Variants in CAMSAP2 observed in about 807,000 individuals in gnomAD.
CAMSAP2 encodes the protein calmodulin regulated spectrin associated protein family member 2.
CAMSAP2 carries 26 observed loss-of-function variants against 146.1 expected under a neutral mutation model. That is an observed-to-expected ratio of 0.18 (90% CI 0.13 to 0.25). The LOEUF is 0.25. CAMSAP2 is among the 10% of genes least tolerant of loss of function. CAMSAP2 has a pLI of 1.00. For missense variants in CAMSAP2, 1,381 were observed against 1,759.3 expected (o/e 0.78, Z 3.85); for synonymous variants, 499 against 596.6 (o/e 0.84, Z 2.38).
At chr1:200,852,783 T>G in intron 12 of CAMSAP2, 106 bp downstream of exon 12, 1 of 1,186,092 alleles carries the variant, frequency 8.4e-7, no homozygotes, top group Non-Finnish European at 1.1e-6. Flanking sequence ...CATTAATTTT[T>G]ATTAACAGAT....
intron 4 of CAMSAP2, among the ~76,000 whole-genome samples, chr1:200,831,579 A>G (rs2102215056): frequency 1.3e-5 from 2 of 151,862 alleles, no homozygotes; most frequent in Middle Eastern, 6.8e-3. Flanking sequence ...TCTGAGGGGG[A>G]GCAAGAACCC....
In CAMSAP2 at chr1:200,817,187, C is replaced by CATATAAGTGTGTGTGTATAT. The variant is rs1558192103; in HGVS notation, c.645+1544_645+1545insTATAAGTGTGTGTGTATATA. On this transcript the variant is annotated intron_variant, in intron 4 of 16. Coordinates refer to ENST00000358823, the MANE Select transcript of CAMSAP2 (RefSeq NM_203459.4). ...ACACGTGTGTGTATATACACACACA[C>CATATAAGTGTGTGTGTATAT]ACATGTGTGTGTGTATACACACATA... Among the ~76,000 whole-genome samples, 3 of 71,628 alleles carry CATATAAGTGTGTGTGTATAT rather than the reference C, an allele frequency of 4.2e-5. 1 individual carries two copies. Among genetic ancestry groups the CATATAAGTGTGTGTGTATAT allele is most frequent in the South Asian group, 1.1e-3 (2 of 1,828 alleles). 47.0% of individuals were successfully genotyped at this position (71,628 alleles called of 152,430 possible). A position where few individuals can be genotyped will look rare whatever the true frequency, so the allele number is the denominator to read the frequency against.
chr1:200,782,079 T>G (rs1229186787), intron 2 of CAMSAP2, among the ~76,000 whole-genome samples: 1 of 152,222 alleles, frequency 6.6e-6, no homozygotes, highest in Non-Finnish European at 1.5e-5. Flanking sequence ...ATAAAATGAT[T>G]CTGTAGGCTA....
Position 200,789,511 on chromosome 1 carries a change from T to C in CAMSAP2, c.400-17865T>C, listed in dbSNP as rs530799591. ...TTTGTTCGTGTGCTCTATATTCTGT[T>C]CCGGTGATCTATTTGTTCTTTTGCC... On this transcript the variant is annotated intron_variant, in intron 2 of 16. Transcript: ENST00000358823. Among the ~76,000 whole-genome samples the C allele has an allele frequency of 1.4e-3, 207 of 152,330 alleles. 1 individual carries two copies. The highest frequency in any genetic ancestry group is 4.6e-3 in the African/African-American group (192 of 41,562).
intron 2 of CAMSAP2, among the ~76,000 whole-genome samples, chr1:200,806,666 T>C (rs1305796864): frequency 6.6e-6 from 1 of 152,136 alleles, no homozygotes; most frequent in Non-Finnish European, 1.5e-5. Context: ...TAGGAATATA[T>C]ACCAGACTGA....
chr1:200,817,964 C>T (rs925574517), intron 4 of CAMSAP2, among the ~76,000 whole-genome samples: 11 of 152,192 alleles, frequency 7.2e-5, no homozygotes, highest in Non-Finnish European at 1.2e-4. Flanking sequence ...TTCCCTGTTA[C>T]GTCCCACAGT....
chr1:200,804,305 G>A (rs988731799), intron 2 of CAMSAP2, among the ~76,000 whole-genome samples: 1 of 151,894 alleles, frequency 6.6e-6, no homozygotes, highest in African/African-American at 2.4e-5. Context: ...CAGTATTATA[G>A]TGTGGTATTC....
intron 8 of CAMSAP2, among the ~76,000 whole-genome samples, chr1:200,846,567 C>T (rs1667465122): frequency 1.3e-5 from 2 of 152,132 alleles, no homozygotes; most frequent in African/African-American, 2.4e-5. Flanking sequence ...CCTAGTCATC[C>T]TCTCATTTCT....
intron 4 of CAMSAP2, among the ~76,000 whole-genome samples, chr1:200,818,234 G>A (rs1571795376): frequency 6.6e-6 from 1 of 151,928 alleles, no homozygotes; most frequent in Non-Finnish European, 1.5e-5. Context: ...ATGACAGAGG[G>A]CCCAAGAAAC....
chr1:200,828,014 C>T (rs573245996), intron 4 of CAMSAP2, among the ~76,000 whole-genome samples: 1 of 152,146 alleles, frequency 6.6e-6, no homozygotes, highest in South Asian at 2.1e-4. Context: ...TAACTGGTAA[C>T]AATTGCCAAC....
chr1:200,822,963 G>A (rs979293045), intron 4 of CAMSAP2, among the ~76,000 whole-genome samples: 4 of 152,074 alleles, frequency 2.6e-5, no homozygotes, highest in Admixed American at 2.6e-4. Flanking sequence ...ATGGGTAAGG[G>A]GGGGACAGCT....
intron 6 of CAMSAP2, among the ~76,000 whole-genome samples, chr1:200,835,608 T>G (rs1290673051): frequency 6.6e-6 from 1 of 152,214 alleles, no homozygotes; most frequent in Non-Finnish European, 1.5e-5. Flanking sequence ...CAGTCTCTTG[T>G]GTCTGACACA....
chr1:200,842,746 C>T (rs544256012), intron 7 of CAMSAP2, among the ~76,000 whole-genome samples: 74 of 152,066 alleles, frequency 4.9e-4, no homozygotes, highest in African/African-American at 1.5e-3. Flanking sequence ...GAGGCCTAGG[C>T]GGGTGGATTA....
At chr1:200,829,656 G>A (rs1005560250) in intron 4 of CAMSAP2, among the ~76,000 whole-genome samples, 5 of 152,114 alleles carry the variant, frequency 3.3e-5, no homozygotes, top group African/African-American at 1.2e-4. Context: ...GGCCGGGTGC[G>A]GTGGCTCACG....
chr1:200,822,792 C>CAG (rs1234180867), intron 4 of CAMSAP2, among the ~76,000 whole-genome samples: 2 of 152,166 alleles, frequency 1.3e-5, no homozygotes, highest in African/African-American at 4.8e-5. Context: ...GAATGCTGGA[C>CAG]AGAGGTATGA....
chr1:200,786,237 C>T (rs549056837), intron 2 of CAMSAP2, among the ~76,000 whole-genome samples: 305 of 152,004 alleles, frequency 2.0e-3, no homozygotes, highest in African/African-American at 6.7e-3. Context: ...TTTTCTGTTT[C>T]ATTGATTTCT....
chr1:200,814,406 A>C (rs1209578111), intron 3 of CAMSAP2, among the ~76,000 whole-genome samples: 5 of 151,906 alleles, frequency 3.3e-5, no homozygotes, highest in African/African-American at 1.2e-4. Context: ...CAGGAGTTTG[A>C]GACCAGCCTG....
At chr1:200,758,878 A>G (rs985165330) in intron 1 of CAMSAP2, among the ~76,000 whole-genome samples, 1 of 151,978 alleles carries the variant, frequency 6.6e-6, no homozygotes, top group Non-Finnish European at 1.5e-5. Context: ...TATGTCCTAT[A>G]CTTTCTGTTT....
At chr1:200,845,762 T>C (rs913606372) in intron 8 of CAMSAP2, among the ~76,000 whole-genome samples, 2 of 152,186 alleles carry the variant, frequency 1.3e-5, no homozygotes, top group Non-Finnish European at 2.9e-5. Flanking sequence ...TTTCACAGTG[T>C]GTACCTGAAA....
Sources: gnomAD v4.1 joint callset for allele counts (sites outside exome capture counted in the v4.1 genomes callset) on GRCh38, gnomAD v4.1.1 for gene constraint, MANE v1.5 for transcripts, NCBI Gene and HGNC (gene_info 2026-07-23, HGNC 2026-07-21) for gene names.